Variants in PIEZO2 observed in about 807,000 individuals in gnomAD.
The protein encoded by PIEZO2 is piezo-type mechanosensitive ion channel component 2.
A neutral mutation model predicts 337.3 loss-of-function variants in PIEZO2; 172 were observed. The observed-to-expected ratio is 0.51, with a 90% confidence interval of 0.45 to 0.58. The LOEUF is 0.58. PIEZO2 is among the 20% of genes least tolerant of loss of function. The pLI, the probability that PIEZO2 is intolerant of heterozygous loss-of-function variation, is 0.00. For missense variants in PIEZO2, 3,028 were observed against 3,391.3 expected, an observed-to-expected ratio of 0.89 and a Z score of 2.66; for synonymous variants, 1,251 against 1,228.5, an observed-to-expected ratio of 1.02 and a Z score of -0.38.
chr18:10,718,425 T>C (rs776983498), intron 36 of PIEZO2, among the ~76,000 whole-genome samples, 166 bp from the exon 37 acceptor site: 5 of 152,264 alleles, frequency 3.3e-5, no homozygotes, highest in Non-Finnish European at 5.9e-5. Context: ...TAGATTATTT[T>C]ACTCCATGCC....
rs181896905 is a variant in PIEZO2 at position 10,822,441 on chromosome 18, A to T, written c.918-15167T>A. Reference sequence around the variant, plus strand: ...TTTTCCAGGGTGGTGATGGCTAAAAATACCTTTGAGAAAACACTGAAACAA... The same window carrying T: ...TTTTCCAGGGTGGTGATGGCTAAAATTACCTTTGAGAAAACACTGAAACAA... On this transcript the variant is annotated intron_variant, in intron 7 of 55. Transcript: ENST00000674853. Among the ~76,000 whole-genome samples the T allele has an allele frequency of 2.2e-4, 33 of 152,346 alleles. No individual in the cohort carries two copies. The East Asian group carries it at 5.8e-3, about 27-fold the overall frequency.
At chr18:10,884,059 C>T (rs1325749145) in intron 4 of PIEZO2, among the ~76,000 whole-genome samples, 1 of 152,122 alleles carries the variant, frequency 6.6e-6, no homozygotes, top group Non-Finnish European at 1.5e-5. Flanking sequence ...GATCCACCCA[C>T]CTCGGCCTCC....
chr18:11,137,956 T>A (rs926956590), intron 1 of PIEZO2, among the ~76,000 whole-genome samples: 1 of 152,226 alleles, frequency 6.6e-6, no homozygotes, highest in Admixed American at 6.5e-5. Flanking sequence ...TCCTTCTCTG[T>A]TCCCTGCAAA....
At chr18:11,139,457 C>G (rs1356252731) in intron 1 of PIEZO2, among the ~76,000 whole-genome samples, 2 of 152,096 alleles carry the variant, frequency 1.3e-5, no homozygotes, top group South Asian at 4.2e-4. Flanking sequence ...TTGATAAGCC[C>G]CTAATTGCCC....
Position 10,799,496 on chromosome 18 carries a change from T to C in PIEZO2, c.1378+841A>G, listed in dbSNP as rs531911304. On this transcript the variant is annotated intron_variant, in intron 11 of 55. Transcript: ENST00000674853. ...TAAATGATGGCTATTTGAATTTGTT[T>C]TAAATGCTGCGCAGACCAAAAATCA... Among the ~76,000 whole-genome samples, 31 of 150,820 alleles carry C rather than the reference T, an allele frequency of 2.1e-4. 1 individual carries two copies. The highest frequency in any genetic ancestry group is 7.5e-4 in the African/African-American group (31 of 41,446).
At position 10,726,297 on chromosome 18, in the gene PIEZO2, C is replaced by A. The variant is rs1156419181; in HGVS notation, c.5029+5110G>T. The A allele has an allele frequency of 9.5e-7, 1 of 1,050,674 alleles. No individual in the cohort carries two copies. The highest frequency in any genetic ancestry group is 1.4e-6 in the Non-Finnish European group (1 of 719,020). The allele number at this position is 1,050,674 out of a possible 1,614,324, so 65.1% of individuals were successfully genotyped here. On this transcript the variant is annotated intron_variant, in intron 36 of 55. Coordinates refer to ENST00000674853, the MANE Select transcript of PIEZO2 (RefSeq NM_001378183.1). This position sits in a 1 kb window ranked among gnomAD's most constrained non-coding sequence, Gnocchi z 5.9. ...AGAATGGAAGCGTCGCGGCCAGAGCCCCGGCCAGGTGGAGCAGGTGGGTCC... is the reference window on the plus strand; with the variant it reads ...AGAATGGAAGCGTCGCGGCCAGAGCACCGGCCAGGTGGAGCAGGTGGGTCC...
chr18:10,989,735 T>C (rs1474129943), intron 2 of PIEZO2, among the ~76,000 whole-genome samples: 1 of 152,112 alleles, frequency 6.6e-6, no homozygotes, highest in African/African-American at 2.4e-5. Context: ...AATATGTTTA[T>C]ACAGGGAAGC....
chr18:11,014,313 C>G (rs1270809120), intron 2 of PIEZO2, among the ~76,000 whole-genome samples: 2 of 72,450 alleles, frequency 2.8e-5, no homozygotes, highest in Admixed American at 1.4e-4. Context: ...CTGGGTGGGA[C>G]AGCGATCCGG....
Position 10,759,727 on chromosome 18 carries a change from G to A in PIEZO2, c.3633C>T (p.Gly1211=). 6.5e-7 allele frequency: 1 copy of A among 1,537,298 alleles called. No individual in the cohort carries two copies. Among genetic ancestry groups the A allele is most frequent in the Non-Finnish European group, 8.7e-7 (1 of 1,146,922 alleles). The change falls in exon 25 of 56, where the codon GGC becomes GGT. Residue 1211 remains glycine, a synonymous_variant. Transcript: ENST00000674853. The surrounding 1 kb of genome is among the most constrained non-coding windows in gnomAD (Gnocchi z 5.5). ...IITFQYFICI[G]IPPAPCRDYP... is the part of the protein sequence containing the mutation. Reference sequence around the variant, plus strand: ...CACCTCGGCAAGGAGCAGGTGGGATGCCAATGCAGATGAAATACTGGAAGG... The same window carrying A: ...CACCTCGGCAAGGAGCAGGTGGGATACCAATGCAGATGAAATACTGGAAGG...
chr18:10,956,885 C>T (rs1338332727), intron 3 of PIEZO2, among the ~76,000 whole-genome samples: 1 of 151,038 alleles, frequency 6.6e-6, no homozygotes, highest in African/African-American at 2.4e-5. Context: ...AGGAGAATCA[C>T]TTGAACCCAG....
intron 7 of PIEZO2, among the ~76,000 whole-genome samples, chr18:10,816,017 G>T (rs1237459114): frequency 6.6e-6 from 1 of 152,162 alleles, no homozygotes; most frequent in Non-Finnish European, 1.5e-5. Context: ...CACAACACAG[G>T]TACCGGATTA....
In PIEZO2 at chr18:10,726,428, G is replaced by A; in HGVS notation, c.5029+4979C>T. 1 of 1,530,120 alleles carries A rather than the reference G, an allele frequency of 6.5e-7. No homozygotes were observed. The highest frequency in any genetic ancestry group is 2.5e-5 in the East Asian group (1 of 40,782). The allele number at this position is 1,530,120 out of a possible 1,614,324, so 94.8% of individuals were successfully genotyped here. A position where few individuals can be genotyped will look rare whatever the true frequency, so the allele number is the denominator to read the frequency against. On this transcript the variant is annotated intron_variant, in intron 36 of 55. Coordinates refer to ENST00000674853, the MANE Select transcript of PIEZO2 (RefSeq NM_001378183.1). This position sits in a 1 kb window ranked among gnomAD's most constrained non-coding sequence, Gnocchi z 5.9. ...AGCCGTGGCACAACGCGGAGGGCCGGCTGCGGTACGGGCTACGGCCGGCGA... is the reference window on the plus strand; with the variant it reads ...AGCCGTGGCACAACGCGGAGGGCCGACTGCGGTACGGGCTACGGCCGGCGA...
At chr18:10,704,254 G>T in intron 42 of PIEZO2, 140 bp downstream of exon 42, 2 of 1,140,618 alleles carry the variant, frequency 1.8e-6, no homozygotes, top group Non-Finnish European at 1.2e-6. Context: ...ATCTAAGAAT[G>T]TCTGTGGAAC....
chr18:10,698,239 C>T (rs2035184845), intron 44 of PIEZO2, among the ~76,000 whole-genome samples: 1 of 152,224 alleles, frequency 6.6e-6, no homozygotes, highest in African/African-American at 2.4e-5. Context: ...ATGAATATGA[C>T]ATAATCTGCC....
At chr18:10,808,833 A>C (rs1180022669) in intron 7 of PIEZO2, among the ~76,000 whole-genome samples, 1 of 152,244 alleles carries the variant, frequency 6.6e-6, no homozygotes, top group East Asian at 1.9e-4. Context: ...ATGTAAAATC[A>C]GACAAGCTAG....
chr18:10,772,121 C>A (rs558600928), intron 20 of PIEZO2, among the ~76,000 whole-genome samples: 8 of 152,162 alleles, frequency 5.3e-5, no homozygotes, highest in Non-Finnish European at 1.2e-4. Flanking sequence ...ACTCTTCTAT[C>A]TGTGTAATTG....
chr18:10,986,942 A>G lies in PIEZO2; in HGVS notation c.161-7282T>C, dbSNP rs115453710. 3.1e-3 allele frequency among the ~76,000 whole-genome samples: 476 copies of G among 152,214 alleles called. 7 individuals are homozygous for G. The highest frequency in any genetic ancestry group is 0.011 in the African/African-American group (469 of 41,580). Reference sequence around the variant, plus strand: ...GACAATAAGTTTTTCAGAAAAAAATAAACAAAACGACTTACAATAGCATCA... The same window carrying G: ...GACAATAAGTTTTTCAGAAAAAAATGAACAAAACGACTTACAATAGCATCA... On this transcript the variant is annotated intron_variant, in intron 2 of 55. Transcript: ENST00000674853.
intron 3 of PIEZO2, among the ~76,000 whole-genome samples, chr18:10,963,638 AC>A (rs1330903062): frequency 6.6e-6 from 1 of 152,238 alleles, no homozygotes; most frequent in African/African-American, 2.4e-5. Flanking sequence ...GACAAAGAGC[AC>A]CTATAAATTA....
chr18:10,827,872 A>G (rs2040723135), intron 7 of PIEZO2, among the ~76,000 whole-genome samples: 1 of 152,222 alleles, frequency 6.6e-6, no homozygotes, highest in African/African-American at 2.4e-5. Context: ...TGTTGAATAA[A>G]GCCTTTAACT....
Sources: gnomAD v4.1 joint callset for allele counts (sites outside exome capture counted in the v4.1 genomes callset) on GRCh38, gnomAD v4.1.1 for gene constraint, Gnocchi (gnomAD v3.1) non-coding constraint, MANE v1.5 for transcripts, NCBI Gene and HGNC (gene_info 2026-07-23, HGNC 2026-07-21) for gene names.